Variants in L3MBTL4 observed in about 807,000 individuals in gnomAD.
The protein encoded by L3MBTL4 is lethal(3)malignant brain tumor-like protein 4.
Under a neutral mutation model 84.5 loss-of-function variants are expected in L3MBTL4, and 70 were observed. The observed-to-expected ratio is 0.83, with a 90% confidence interval of 0.68 to 1.01. The LOEUF is 1.01. L3MBTL4 is among the 50% of genes least tolerant of loss of function. The pLI, the probability that L3MBTL4 is intolerant of heterozygous loss-of-function variation, is 0.00. For synonymous variants in L3MBTL4, 274 were observed against 259.8 expected (o/e 1.05, Z -0.52); for missense variants, 715 against 754.8 (o/e 0.95, Z 0.62).
intron 1 of L3MBTL4, among the ~76,000 whole-genome samples, chr18:6,323,213 ATTTC>A (rs572819960): frequency 1.0e-3 from 155 of 152,312 alleles, no homozygotes; most frequent in African/African-American, 3.6e-3. Context: ...AGTCTCAGGT[ATTTC>A]TTTATAGCAA....
chr18:5,957,966 A>AAAAAGAAGGGAAGAAGAAG (rs2095236984), intron 18 of L3MBTL4, among the ~76,000 whole-genome samples: 1 of 151,398 alleles, frequency 6.6e-6, no homozygotes, highest in African/African-American at 2.4e-5. Flanking sequence ...CCTCAAAAAA[A>AAAAAGAAGGGAAGAAGAAG]AAAAAAGAAG....
chr18:6,151,595 A>G (rs1266113926), intron 13 of L3MBTL4, among the ~76,000 whole-genome samples: 1 of 152,048 alleles, frequency 6.6e-6, no homozygotes, highest in Non-Finnish European at 1.5e-5. Context: ...GGGTTTCACC[A>G]TGTTGTCCAG....
chr18:6,321,115 G>A (rs2051380513), intron 1 of L3MBTL4, among the ~76,000 whole-genome samples: 1 of 152,046 alleles, frequency 6.6e-6, no homozygotes, highest in South Asian at 2.1e-4. Flanking sequence ...ATGACCTGAA[G>A]CTATAAAAAT....
chr18:6,103,616 C>A (rs1009921216), intron 14 of L3MBTL4, among the ~76,000 whole-genome samples: 2 of 152,148 alleles, frequency 1.3e-5, no homozygotes, highest in East Asian at 3.8e-4. Context: ...ATAATTCCAT[C>A]TTTTGGAAGG....
chr18:6,347,908 A>C (rs867625956), intron 1 of L3MBTL4, among the ~76,000 whole-genome samples: 1 of 152,196 alleles, frequency 6.6e-6, no homozygotes, highest in Middle Eastern at 3.4e-3. Flanking sequence ...GGATCTGAAC[A>C]CAAAAAAATT....
chr18:5,962,604 C>T (rs1333791956), intron 17 of L3MBTL4, among the ~76,000 whole-genome samples: 2 of 152,196 alleles, frequency 1.3e-5, no homozygotes, highest in Non-Finnish European at 2.9e-5. Flanking sequence ...TCACACCACA[C>T]AGATGATAAA....
chr18:6,372,795 T>C (rs1359764581), intron 1 of L3MBTL4, among the ~76,000 whole-genome samples: 1 of 152,238 alleles, frequency 6.6e-6, no homozygotes, highest in African/African-American at 2.4e-5. Flanking sequence ...TGATCATTTT[T>C]CTTTAAAAAC....
intron 16 of L3MBTL4, among the ~76,000 whole-genome samples, chr18:6,027,193 C>G (rs1018856105): frequency 6.6e-6 from 1 of 152,106 alleles, no homozygotes; most frequent in Admixed American, 6.5e-5. Context: ...CTTGACCCCA[C>G]CCCCGCAACA....
intron 12 of L3MBTL4, among the ~76,000 whole-genome samples, chr18:6,180,993 T>C (rs1040901736): frequency 5.3e-5 from 8 of 152,200 alleles, no homozygotes; most frequent in Non-Finnish European, 1.2e-4. Context: ...AACATCATGA[T>C]AAGCAAAGTA....
At chr18:6,173,725 A>T (rs1434038018) in intron 12 of L3MBTL4, among the ~76,000 whole-genome samples, 1 of 152,078 alleles carries the variant, frequency 6.6e-6, no homozygotes, top group African/African-American at 2.4e-5. Context: ...GGCTGCAGTG[A>T]ACCATGATCA....
chr18:6,382,083 A>C (rs2054614772), intron 1 of L3MBTL4, among the ~76,000 whole-genome samples: 1 of 151,944 alleles, frequency 6.6e-6, no homozygotes. Flanking sequence ...CATTAAGTTG[A>C]TCTTCAATCT....
chr18:6,074,714 A>G (rs746231941), intron 16 of L3MBTL4, among the ~76,000 whole-genome samples: 12 of 152,158 alleles, frequency 7.9e-5, no homozygotes, highest in Non-Finnish European at 1.6e-4. Context: ...AGGTCTACCT[A>G]TACAAGTAAA....
intron 12 of L3MBTL4, among the ~76,000 whole-genome samples, chr18:6,188,342 T>TA (rs1235566024): frequency 1.3e-5 from 2 of 150,876 alleles, no homozygotes; most frequent in Non-Finnish European, 3.0e-5. Flanking sequence ...AAAGTGTAAT[T>TA]ATTAATAAAT....
intron 15 of L3MBTL4, among the ~76,000 whole-genome samples, chr18:6,091,583 C>G (rs2058459688): frequency 6.6e-6 from 1 of 152,190 alleles, no homozygotes. Context: ...TGGCATATTT[C>G]AGTGCAAAGC....
chr18:6,104,880 C>A (rs537879417), intron 14 of L3MBTL4, among the ~76,000 whole-genome samples: 4 of 151,958 alleles, frequency 2.6e-5, no homozygotes, highest in Non-Finnish European at 5.9e-5. Flanking sequence ...ATTAACACAT[C>A]GAAGGCAAAT....
chr18:6,303,945 C>T (rs960597902), intron 3 of L3MBTL4, among the ~76,000 whole-genome samples: 4 of 145,954 alleles, frequency 2.7e-5, no homozygotes, highest in South Asian at 2.3e-4. Context: ...ACCCGGAAGG[C>T]GGAGGTTGCA....
intron 13 of L3MBTL4, among the ~76,000 whole-genome samples, chr18:6,141,072 T>A (rs1228815536): frequency 1.3e-5 from 2 of 149,108 alleles, no homozygotes; most frequent in Non-Finnish European, 3.0e-5. Flanking sequence ...AAGCACTTAC[T>A]GAGCACTAAC....
intron 1 of L3MBTL4, among the ~76,000 whole-genome samples, chr18:6,387,556 T>C (rs968990726): frequency 6.6e-6 from 1 of 152,242 alleles, no homozygotes; most frequent in Non-Finnish European, 1.5e-5. Context: ...TGAGATGTTC[T>C]GATTTAAATA....
chr18:6,161,526 T>A (rs925278756), intron 13 of L3MBTL4, among the ~76,000 whole-genome samples: 48 of 152,208 alleles, frequency 3.2e-4, no homozygotes, highest in African/African-American at 1.1e-3. Context: ...ATGTCTGCAA[T>A]GAGATTAAAT....
Sources: gnomAD v4.1 joint callset for allele counts (sites outside exome capture counted in the v4.1 genomes callset) on GRCh38, gnomAD v4.1.1 for gene constraint, MANE v1.5 for transcripts, NCBI Gene and HGNC (gene_info 2026-07-23, HGNC 2026-07-21) for gene names.